BLNK: variants seen among roughly 807,000 people sequenced by gnomAD.
BLNK encodes B cell linker.
BLNK carries 29 observed loss-of-function variants against 73.5 expected under a neutral mutation model. The ratio of observed to expected loss-of-function variants is 0.39; its 90% CI spans 0.29 to 0.54. The LOEUF is 0.54. BLNK is among the 20% of genes least tolerant of loss of function. BLNK has a pLI of 0.61. For synonymous variants in BLNK, 176 were observed against 200.8 expected, an observed-to-expected ratio of 0.88 and a Z score of 1.04; for missense variants, 460 against 562.8, an observed-to-expected ratio of 0.82 and a Z score of 1.85.
At chr10:96,224,071 T>C in intron 5 of BLNK, 82 bp from the exon 6 acceptor site, 1 of 1,530,610 alleles carries the variant, frequency 6.5e-7, no homozygotes, top group Non-Finnish European at 9.0e-7. Flanking sequence ...ATCCAGAAAG[T>C]ATAAAACCAC....
intron 16 of BLNK, among the ~76,000 whole-genome samples, chr10:96,194,996 C>T (rs587641936): frequency 1.8e-4 from 27 of 151,908 alleles, no homozygotes; most frequent in Non-Finnish European, 3.1e-4. Context: ...GTCTCGATCT[C>T]CTGACCTCGT....
intron 6 of BLNK, among the ~76,000 whole-genome samples, chr10:96,218,988 C>T (rs1205284348): frequency 6.6e-6 from 1 of 152,148 alleles, no homozygotes; most frequent in Non-Finnish European, 1.5e-5. Flanking sequence ...TGGGTCTTTT[C>T]TAGATGTATG....
chr10:96,251,641 AAAATATATAAGT>A (rs1843290211), intron 1 of BLNK, among the ~76,000 whole-genome samples: 1 of 152,262 alleles, frequency 6.6e-6, no homozygotes, highest in Non-Finnish European at 1.5e-5. Flanking sequence ...TACATGTTTT[AAAATATATAAGT>A]ATTGTAATTT....
At chr10:96,210,221 G>A in intron 8 of BLNK, 1 of 404,816 alleles carries the variant, frequency 2.5e-6, no homozygotes, top group Non-Finnish European at 4.7e-6. Flanking sequence ...CTGATTCTGA[G>A]GACTCAGTGA....
intron 6 of BLNK, among the ~76,000 whole-genome samples, chr10:96,220,828 T>A (rs1554900966): frequency 6.6e-6 from 1 of 152,244 alleles, no homozygotes; most frequent in Non-Finnish European, 1.5e-5. Context: ...AATGTTTAGA[T>A]GTTTCAGTAT....
intron 2 of BLNK, among the ~76,000 whole-genome samples, chr10:96,245,827 C>G (rs1259781758): frequency 6.6e-6 from 1 of 152,032 alleles, no homozygotes; most frequent in Non-Finnish European, 1.5e-5. Flanking sequence ...TATATACATA[C>G]TTATACACAC....
rs1554910427 is a variant in BLNK, at chr10:96,254,519, TG to T, written c.48-7471del. On this transcript the variant is annotated intron_variant, in intron 1 of 16. Transcript: ENST00000224337. ...AATGAGTTTTTTTTTTGTTTTGTTTTGTTTTTTTGAGATGAAGTCTCGCTCT... is the reference window on the plus strand; with the variant it reads ...AATGAGTTTTTTTTTTGTTTTGTTTTTTTTTTTGAGATGAAGTCTCGCTCT... Among the ~76,000 whole-genome samples the T allele has an allele frequency of 1.2e-3, 173 of 143,464 alleles. 7 individuals carry two copies. The highest frequency in any genetic ancestry group is 3.7e-3 in the African/African-American group (152 of 40,596). 94.1% of individuals were successfully genotyped at this position (143,464 alleles called of 152,430 possible).
At position 96,268,092 on chromosome 10, in the gene BLNK, C is replaced by G. The variant is rs1844093840; in HGVS notation, c.47+3260G>C. On this transcript the variant is annotated intron_variant, in intron 1 of 16. Transcript: ENST00000224337. ...CCATACTCTTTAATCAATAAGATAA[C>G]TGGGGAGACCCGATTTGACCACACT... is the stretch of plus-strand genomic sequence containing the variant. 5.3e-5 allele frequency among the ~76,000 whole-genome samples: 8 copies of G among 152,236 alleles called. No homozygotes were observed. In the South Asian group the frequency reaches 8.3e-4, roughly 16 times the overall value.
Position 96,227,452 on chromosome 10 carries a change from G to T in BLNK, c.319C>A (p.Pro107Thr). Residue 107 changes from proline to threonine, a missense_variant, in exon 5 of 17, where the codon CCG (proline) becomes ACG (threonine). This residue lies in a region of BLNK where 139 missense variants were observed against 187.3 expected (regional missense o/e 0.74). Coordinates refer to ENST00000224337, the MANE Select transcript of BLNK (RefSeq NM_013314.4). Reference sequence around the variant, plus strand: ...GCGAAGGGCAGGGCTGGGTGAACCGGCCTGGTTTCCTGCTCTACTGGAGGC... The same window carrying T: ...GCGAAGGGCAGGGCTGGGTGAACCGTCCTGGTTTCCTGCTCTACTGGAGGC... The part of the protein sequence containing the change: ...EPPPVEQETR[P>T]VHPALPFARG... 6.2e-7 allele frequency: 1 copy of T among 1,614,196 alleles called. No homozygotes were observed. The highest frequency in any genetic ancestry group is 1.1e-5 in the South Asian group (1 of 91,092).
intron 13 of BLNK, among the ~76,000 whole-genome samples, chr10:96,202,853 C>T (rs587598805): frequency 3.3e-5 from 5 of 152,298 alleles, no homozygotes; most frequent in South Asian, 2.1e-4. Context: ...TTTCAACATG[C>T]GTGCATCTCG....
At chr10:96,224,113 G>A in intron 5 of BLNK, 124 bp from the exon 6 acceptor site, 5 of 1,123,934 alleles carry the variant, frequency 4.4e-6, no homozygotes, top group Non-Finnish European at 6.4e-6. Context: ...TGATCCACGG[G>A]GCATTCCTTG....
At position 96,216,702 on chromosome 10, in the gene BLNK, A is replaced by G. The variant is rs145614752; in HGVS notation, c.558T>C (p.Asp186=). Residue 186 remains aspartate (D), a synonymous_variant, in exon 7 of 17, where the codon GAT becomes GAC. Transcript: ENST00000224337. ...ADYVVPVEDN[D]ENYIHPTESS... is the part of the protein sequence containing the mutation. ...TTTCTGTGGGATGAATATAGTTTTC[A>G]TCATTATCTTCCACGGGGACCACAT... 2.7e-4 allele frequency: 439 copies of G among 1,614,030 alleles called. No homozygotes were observed. The highest frequency in any genetic ancestry group is 3.5e-4 in the Non-Finnish European group (417 of 1,179,992).
At chr10:96,194,472 T>A (rs587727217) in intron 16 of BLNK, among the ~76,000 whole-genome samples, 114 of 152,194 alleles carry the variant, frequency 7.5e-4, no homozygotes, top group Non-Finnish European at 1.4e-3. Flanking sequence ...ATTAAAAGCA[T>A]AGGCAAAAAA....
intron 9 of BLNK, among the ~76,000 whole-genome samples, chr10:96,208,909 T>C (rs2083884576): frequency 6.6e-6 from 1 of 152,210 alleles, no homozygotes. Context: ...TTTTGGTTAA[T>C]AAACCTTCAA....
At chr10:96,244,234 G>A (rs1554907045) in intron 2 of BLNK, among the ~76,000 whole-genome samples, 1 of 152,164 alleles carries the variant, frequency 6.6e-6, no homozygotes, top group East Asian at 1.9e-4. Flanking sequence ...ATCATCCAAG[G>A]TGTTGCAAGG....
At chr10:96,210,691 AGCT>A (rs1554898536) in intron 8 of BLNK, among the ~76,000 whole-genome samples, 2 of 152,126 alleles carry the variant, frequency 1.3e-5, no homozygotes, top group Non-Finnish European at 2.9e-5. Flanking sequence ...GAGAGGCCAG[AGCT>A]GAGCCAGCCC....
Position 96,190,074 on chromosome 10 carries a change from T to C in BLNK, c.*1899A>G. Reference sequence around the variant, plus strand: ...GCAGTTCATCCTTTGCACCAGCCCCTAAACTGACCGTTCTTAAGGATAACT... The same window carrying C: ...GCAGTTCATCCTTTGCACCAGCCCCCAAACTGACCGTTCTTAAGGATAACT... On this transcript the variant is annotated 3_prime_UTR_variant, in exon 17 of 17. Transcript: ENST00000224337. 1 of 854,026 alleles carries C rather than the reference T, an allele frequency of 1.2e-6. No individual in the cohort carries two copies. Among genetic ancestry groups the C allele is most frequent in the Non-Finnish European group, 2.0e-6 (1 of 501,688 alleles). The allele number at this position is 854,026 out of a possible 1,614,324, so 52.9% of individuals were successfully genotyped here.
Position 96,227,432 on chromosome 10 carries a change from G to A in BLNK, c.339C>T (p.Pro113=), listed in dbSNP as rs781955654. The change falls in exon 5 of 17, where the codon CCC becomes CCT. Residue 113 remains proline (P), a synonymous_variant. Transcript: ENST00000224337. The part of the protein sequence containing the change: ...QETRPVHPAL[P]FARGEYIDNR... ...CACCTATATACTCGCCTCTGGCGAA[G>A]GGCAGGGCTGGGTGAACCGGCCTGG... The A allele has an allele frequency of 6.2e-7, 1 of 1,614,150 alleles. No homozygotes were observed. The highest frequency in any genetic ancestry group is 8.5e-7 in the Non-Finnish European group (1 of 1,180,048).
At chr10:96,203,718 C>A (rs2083716687) in intron 13 of BLNK, 1 of 190,302 alleles carries the variant, frequency 5.3e-6, no homozygotes. Context: ...AACACTATAG[C>A]TGGTGCTTCC....
Sources: gnomAD v4.1 joint callset for allele counts (sites outside exome capture counted in the v4.1 genomes callset) on GRCh38, gnomAD v4.1.1 for gene constraint, gnomAD v4.1.1 regional missense constraint, MANE v1.5 for transcripts, NCBI Gene and HGNC (gene_info 2026-07-23, HGNC 2026-07-21) for gene names.